Variants in DLGAP1 observed in about 807,000 individuals in gnomAD.
DLGAP1 encodes the protein DLG associated protein 1, also known as disks large-associated protein 1.
A neutral mutation model predicts 90.8 loss-of-function variants in DLGAP1; 11 were observed. The observed-to-expected ratio is 0.12, with a 90% CI of 0.08 to 0.20. The LOEUF is 0.20. Among genes scored for constraint, DLGAP1 ranks in the 10% least tolerant of loss-of-function variants. The pLI is 1.00. For missense variants in DLGAP1, 1,050 were observed against 1,333.8 expected (o/e 0.79, Z 3.31); for synonymous variants, 558 against 540.7 (o/e 1.03, Z -0.44).
chr18:4,188,499 T>C (rs2144714143), intron 1 of DLGAP1, among the ~76,000 whole-genome samples: 1 of 152,226 alleles, frequency 6.6e-6, no homozygotes. Flanking sequence ...CAGTGTGTGT[T>C]GTTTCCCTCT....
intron 1 of DLGAP1, among the ~76,000 whole-genome samples, chr18:4,248,151 C>T (rs1181576591): frequency 6.6e-6 from 1 of 152,162 alleles, no homozygotes; most frequent in East Asian, 1.9e-4. Context: ...ACCCTTGCTG[C>T]CTCTCCAAAA....
chr18:3,897,078 C>T (rs1352376458), intron 3 of DLGAP1: 2 of 152,240 alleles, frequency 1.3e-5, no homozygotes, highest in Admixed American at 6.5e-5. Context: ...GTCTTTGGAT[C>T]TTCATTTCTG....
At chr18:3,721,538 A>C (rs930481766) in intron 7 of DLGAP1, 2 of 152,284 alleles carry the variant, frequency 1.3e-5, no homozygotes, top group South Asian at 4.1e-4. Context: ...CTTTAAACAG[A>C]TATTTCACAG....
chr18:3,519,996 G>A (rs538559938), intron 10 of DLGAP1, among the ~76,000 whole-genome samples: 2 of 152,200 alleles, frequency 1.3e-5, no homozygotes, highest in East Asian at 1.9e-4. Context: ...GTTCACCTAT[G>A]TAACAAACCT....
At chr18:4,007,113 C>A (rs1480203181) in intron 2 of DLGAP1, among the ~76,000 whole-genome samples, 1 of 152,116 alleles carries the variant, frequency 6.6e-6, no homozygotes, top group East Asian at 1.9e-4. Context: ...ACAAGAATAA[C>A]CCTGGTGACA....
In DLGAP1 at chr18:4,066,746, C is replaced by A. The variant is rs140899426; in HGVS notation, c.-158-61545G>T. 4.4e-3 allele frequency among the ~76,000 whole-genome samples: 666 copies of A among 152,068 alleles called. 4 individuals are homozygous for A. Among genetic ancestry groups the A allele is most frequent in the African/African-American group, 0.015 (622 of 41,514 alleles). Reference sequence around the variant, plus strand: ...GTTGGGGGGGTGTAAATTAATGTAGCCATTGTGGAGGACAGTGTGGTAATT... The same window carrying A: ...GTTGGGGGGGTGTAAATTAATGTAGACATTGTGGAGGACAGTGTGGTAATT... On this transcript the variant is annotated intron_variant, in intron 2 of 12. Transcript: ENST00000315677.
intron 5 of DLGAP1, among the ~76,000 whole-genome samples, chr18:3,781,820 T>G (rs1322091495): frequency 1.3e-5 from 2 of 152,240 alleles, no homozygotes; most frequent in African/African-American, 4.8e-5. Flanking sequence ...GTAGAAATTT[T>G]AAAAACATAT....
chr18:4,278,143 T>C (rs547860062), intron 1 of DLGAP1, among the ~76,000 whole-genome samples: 1 of 152,280 alleles, frequency 6.6e-6, no homozygotes, highest in South Asian at 2.1e-4. Context: ...AAATACAGCA[T>C]GTTATGTGAG....
chr18:4,403,202 T>C (rs2082592950), intron 1 of DLGAP1, among the ~76,000 whole-genome samples: 1 of 152,188 alleles, frequency 6.6e-6, no homozygotes, highest in Non-Finnish European at 1.5e-5. Context: ...GTGTGAGTGG[T>C]TGCTCATTAA....
rs117154406 is a variant in DLGAP1, at chr18:4,115,755, C to T, written c.-159+35425G>A. On this transcript the variant is annotated intron_variant, in intron 2 of 12. Coordinates refer to ENST00000315677, the MANE Select transcript of DLGAP1 (RefSeq NM_004746.4). ...CTGGGATTACAGGCGTAAGCCACCG[C>T]GCCCAGCCCATCTGGTGTCATTTTC... 5.1e-4 allele frequency among the ~76,000 whole-genome samples: 77 copies of T among 152,304 alleles called. 2 individuals carry two copies. In the East Asian group the frequency reaches 0.013, roughly 26 times the overall value.
intron 9 of DLGAP1, among the ~76,000 whole-genome samples, chr18:3,556,437 C>T (rs1221768146): frequency 6.6e-6 from 1 of 152,192 alleles, no homozygotes; most frequent in Non-Finnish European, 1.5e-5. Context: ...TTCCTCCTAA[C>T]CCCTGGCAAC....
intron 7 of DLGAP1, among the ~76,000 whole-genome samples, chr18:3,670,411 A>G (rs1183493123): frequency 6.6e-6 from 1 of 152,148 alleles, no homozygotes; most frequent in African/African-American, 2.4e-5. Flanking sequence ...CTTCCTGGGA[A>G]TTTCTCTGCA....
chr18:3,976,229 A>AATAATTG (rs1447789134), intron 3 of DLGAP1, among the ~76,000 whole-genome samples: 2,410 of 149,626 alleles, frequency 0.016, 52 homozygotes, highest in African/African-American at 0.05. Flanking sequence ...AACGATAATT[A>AATAATTG]GCCAGGTGTG....
chr18:4,296,049 G>A (rs1180550112), intron 1 of DLGAP1, among the ~76,000 whole-genome samples: 2 of 152,128 alleles, frequency 1.3e-5, no homozygotes, highest in African/African-American at 4.8e-5. Flanking sequence ...AGGTTAGTAA[G>A]GAGAAAGCAT....
At chr18:3,890,139 T>A (rs749133300) in intron 3 of DLGAP1, among the ~76,000 whole-genome samples, 9 of 152,228 alleles carry the variant, frequency 5.9e-5, no homozygotes, top group Non-Finnish European at 1.2e-4. Flanking sequence ...GTGGTCTACA[T>A]CCAAGTGGGG....
chr18:4,205,073 G>A (rs950322429), intron 1 of DLGAP1, among the ~76,000 whole-genome samples: 2 of 152,154 alleles, frequency 1.3e-5, no homozygotes, highest in Non-Finnish European at 2.9e-5. Flanking sequence ...AGTACTTTCA[G>A]TGCTTCAGTG....
chr18:4,415,106 T>G (rs994908613), intron 1 of DLGAP1, among the ~76,000 whole-genome samples: 3 of 152,086 alleles, frequency 2.0e-5, no homozygotes, highest in African/African-American at 7.2e-5. Flanking sequence ...CAATCTATAA[T>G]CAATGAGTAG....
intron 7 of DLGAP1, among the ~76,000 whole-genome samples, chr18:3,699,832 TG>T (rs1386230367): frequency 1.3e-5 from 2 of 152,212 alleles, no homozygotes; most frequent in Non-Finnish European, 2.9e-5. Flanking sequence ...AGAGATGCCC[TG>T]CCCAGAGAGG....
At chr18:4,266,836 A>T (rs1345464998) in intron 1 of DLGAP1, among the ~76,000 whole-genome samples, 3 of 152,256 alleles carry the variant, frequency 2.0e-5, no homozygotes, top group Admixed American at 2.0e-4. Context: ...TGAAATCAGC[A>T]TATGGGCTAT....
Sources: gnomAD v4.1 joint callset for allele counts (sites outside exome capture counted in the v4.1 genomes callset) on GRCh38, gnomAD v4.1.1 for gene constraint, MANE v1.5 for transcripts, NCBI Gene and HGNC (gene_info 2026-07-23, HGNC 2026-07-21) for gene names.